Variants in SENP8 observed in about 807,000 individuals in gnomAD.
The protein encoded by SENP8 is sentrin-specific protease 8.
Under a neutral mutation model 14.4 loss-of-function variants are expected in SENP8, and 10 were observed. That is an observed-to-expected ratio of 0.69 (90% CI 0.43 to 1.18). The LOEUF (loss-of-function observed/expected upper bound fraction) is 1.18, where lower values mean the gene tolerates loss of function less well. SENP8 is among the 50% of genes most tolerant of loss of function. The probability of loss-of-function intolerance (pLI) is 0.00; values close to 1 mark genes in which losing one functional copy is unlikely to be tolerated. For synonymous variants in SENP8, 94 were observed against 95.5 expected (o/e 0.98, Z 0.09); for missense variants, 202 against 249.4 (o/e 0.81, Z 1.28).
rs764934298 is a variant in SENP8, at chr15:72,139,613, G to A, written c.-11G>A. 36 of 1,606,526 alleles carry A rather than the reference G, an allele frequency of 2.2e-5. No homozygotes were observed. Among genetic ancestry groups the A allele is most frequent in the East Asian group, 1.8e-4 (8 of 44,774 alleles). ...CTTCTGGAATTTCTGAGCAGCCCTCGTCAGTACAAGATGGACCCCGTAGTC... is the reference window on the plus strand; with the variant it reads ...CTTCTGGAATTTCTGAGCAGCCCTCATCAGTACAAGATGGACCCCGTAGTC... On this transcript the variant is annotated 5_prime_UTR_variant, in exon 2 of 2. Transcript: ENST00000340912.
intron 1 of SENP8, among the ~76,000 whole-genome samples, chr15:72,127,563 C>G (rs1157669137): frequency 2.6e-5 from 4 of 152,020 alleles, no homozygotes; most frequent in African/African-American, 9.7e-5. Context: ...TAGCTGAAGC[C>G]ACATTTTCAT....
chr15:72,133,333 C>T (rs2081293717), intron 1 of SENP8, among the ~76,000 whole-genome samples: 1 of 152,248 alleles, frequency 6.6e-6, no homozygotes, highest in Non-Finnish European at 1.5e-5. Context: ...CACTGGAATT[C>T]AGTCTGTCAC....
chr15:72,136,957 G>A (rs1319105939), intron 1 of SENP8, among the ~76,000 whole-genome samples: 2 of 152,118 alleles, frequency 1.3e-5, no homozygotes, highest in Non-Finnish European at 2.9e-5. Context: ...ACTTTGGGTG[G>A]TCACAGGCAT....
chr15:72,123,602 G>C (rs886257901), intron 1 of SENP8, among the ~76,000 whole-genome samples: 1 of 151,028 alleles, frequency 6.6e-6, no homozygotes, highest in South Asian at 2.1e-4. Context: ...GTGCAGTGGC[G>C]TGCTCTTGGC....
upstream of SENP8, chr15:72,118,266 A>C: frequency 1.0e-5 from 3 of 295,500 alleles, no homozygotes; most frequent in East Asian, 5.7e-5. Context: ...CCCCTTTCCT[A>C]CGCCCCAGGC....
upstream of SENP8, chr15:72,117,784 G>A: frequency 2.5e-6 from 1 of 398,230 alleles, no homozygotes; most frequent in Non-Finnish European, 4.4e-6. Flanking sequence ...AGAGGCCGAG[G>A]CCACCGAGGG....
intron 1 of SENP8, among the ~76,000 whole-genome samples, chr15:72,125,130 G>GGAGACA (rs2081204493): frequency 2.6e-5 from 4 of 151,974 alleles, no homozygotes; most frequent in Admixed American, 6.6e-5. Flanking sequence ...CATTGTTAAT[G>GGAGACA]TCTCCCTTAA....
At chr15:72,133,938 GTTTA>G (rs1344822853) in intron 1 of SENP8, among the ~76,000 whole-genome samples, 1 of 151,836 alleles carries the variant, frequency 6.6e-6, no homozygotes, top group East Asian at 1.9e-4. Flanking sequence ...GTCTTTTTTT[GTTTA>G]TTTGTTTTGG....
intron 1 of SENP8, among the ~76,000 whole-genome samples, chr15:72,124,717 C>T (rs917117577): frequency 5.9e-5 from 9 of 151,912 alleles, no homozygotes; most frequent in Non-Finnish European, 1.0e-4. Context: ...GGAACTGGTA[C>T]ATCTTTTATT....
At chr15:72,127,784 A>G (rs1043238190) in intron 1 of SENP8, among the ~76,000 whole-genome samples, 1 of 152,212 alleles carries the variant, frequency 6.6e-6, no homozygotes, top group Non-Finnish European at 1.5e-5. Context: ...CTAAGGTGAT[A>G]GTAGTGAAGA....
At position 72,141,362 on chromosome 15, in the gene SENP8, C is replaced by G. The variant is rs1049426121; in HGVS notation, c.*1100C>G. The G allele has an allele frequency of 6.6e-6, 1 of 151,998 alleles. No individual in the cohort carries two copies. Among genetic ancestry groups the G allele is most frequent in the Non-Finnish European group, 1.5e-5 (1 of 68,018 alleles). 9.4% of individuals were successfully genotyped at this position (151,998 alleles called of 1,614,324 possible). On this transcript the variant is annotated 3_prime_UTR_variant, in exon 2 of 2. Transcript: ENST00000340912. ...GTAAAATGTGGAACCAAGAGTAGAACGAAATACTATCCCTCCAGAAGCACT... is the reference window on the plus strand; with the variant it reads ...GTAAAATGTGGAACCAAGAGTAGAAGGAAATACTATCCCTCCAGAAGCACT...
chr15:72,142,959 G>C lies in SENP8; in HGVS notation c.*2697G>C, dbSNP rs138654897. 0.013 allele frequency: 2,036 copies of C among 152,486 alleles called. 28 individuals carry two copies. Among genetic ancestry groups the C allele is most frequent in the African/African-American group, 0.022 (931 of 41,582 alleles). 9.4% of individuals were successfully genotyped at this position (152,486 alleles called of 1,614,324 possible). A position where few individuals can be genotyped will look rare whatever the true frequency, so the allele number is the denominator to read the frequency against. On this transcript the variant is annotated 3_prime_UTR_variant, in exon 2 of 2. Transcript: ENST00000340912. ...TGCCTGTAATCCCAGGACTTTGGGA[G>C]GCCAAGGCAGGCAGATCACCTGAGG...
intron 1 of SENP8, among the ~76,000 whole-genome samples, chr15:72,120,220 G>A (rs1378363483): frequency 6.6e-6 from 1 of 152,206 alleles, no homozygotes; most frequent in African/African-American, 2.4e-5. Context: ...GCTCAATTAG[G>A]ATGGAAAATT....
intron 1 of SENP8, among the ~76,000 whole-genome samples, chr15:72,124,181 G>A (rs1402051244): frequency 1.3e-5 from 2 of 152,180 alleles, no homozygotes; most frequent in African/African-American, 4.8e-5. Flanking sequence ...TTATAACTGT[G>A]TTGTGTTTTC....
At chr15:72,125,034 A>G (rs977208595) in intron 1 of SENP8, among the ~76,000 whole-genome samples, 1 of 152,172 alleles carries the variant, frequency 6.6e-6, no homozygotes, top group Non-Finnish European at 1.5e-5. Context: ...TGTTTAATTT[A>G]CCAGTCCTTT....
At chr15:72,121,120 ACCAGTACTATC>A (rs1329077745) in intron 1 of SENP8, among the ~76,000 whole-genome samples, 1 of 152,216 alleles carries the variant, frequency 6.6e-6, no homozygotes, top group Admixed American at 6.5e-5. Context: ...TGGGGCAGCA[ACCAGTACTATC>A]CCACTGTTTC....
chr15:72,140,551 T>C lies in SENP8; in HGVS notation c.*289T>C, dbSNP rs115613530. The C allele has an allele frequency of 2.7e-3, 955 of 347,806 alleles. 9 individuals carry two copies. Among genetic ancestry groups the C allele is most frequent in the African/African-American group, 0.019 (888 of 47,366 alleles). 21.5% of individuals were successfully genotyped at this position (347,806 alleles called of 1,614,324 possible). On this transcript the variant is annotated 3_prime_UTR_variant, in exon 2 of 2. Transcript: ENST00000340912. The stretch of plus-strand genomic sequence containing the variant: ...CAGGGTTTACGTAAGACTTTTCTTA[T>C]TGGTATATAATTAATTTCCTTTGGT...
In SENP8 at chr15:72,140,195, C is replaced by G; in HGVS notation, c.572C>G (p.Thr191Ser). The G allele has an allele frequency of 2.5e-6, 4 of 1,614,148 alleles. No individual in the cohort carries two copies. The highest frequency in any genetic ancestry group is 3.4e-6 in the Non-Finnish European group (4 of 1,179,976). ...ACAGAATCACTGCTGCAGCTACTCA[C>G]CCCTGCATACATCACAAAGAAGAGG... is the stretch of plus-strand genomic sequence containing the variant. ...QQTESLLQLL[T>S]PAYITKKRGE... The change falls in exon 2 of 2, where the codon ACC becomes AGC. Residue 191 changes from threonine (T) to serine (S), a missense_variant. Coordinates refer to ENST00000340912, the MANE Select transcript of SENP8 (RefSeq NM_145204.4).
upstream of SENP8, chr15:72,118,135 G>C (rs961202912): frequency 2.4e-4 from 92 of 379,500 alleles, no homozygotes; most frequent in African/African-American, 1.8e-3. Context: ...GGCTGCAGGC[G>C]AGCAGGCGCG....
Sources: gnomAD v4.1 joint callset for allele counts (sites outside exome capture counted in the v4.1 genomes callset) on GRCh38, gnomAD v4.1.1 for gene constraint, MANE v1.5 for transcripts, NCBI Gene and HGNC (gene_info 2026-07-23, HGNC 2026-07-21) for gene names.